The following APLP1 variants were observed in gnomAD, a reference collection of about 807,000 sequenced individuals.
APLP1 encodes amyloid beta precursor like protein 1.
In APLP1, 46 loss-of-function variants were observed where a neutral mutation model predicts 84.5. The ratio of observed to expected loss-of-function variants is 0.54; its 90% CI spans 0.43 to 0.70. The LOEUF is 0.70. APLP1 is among the 30% of genes least tolerant of loss of function. The pLI is 0.00. For synonymous variants in APLP1, 376 were observed against 364.0 expected (o/e 1.03, Z -0.38); for missense variants, 826 against 900.2 (o/e 0.92, Z 1.05).
intron 11 of APLP1, among the ~76,000 whole-genome samples, chr19:35,876,829 G>A (rs1974291597): frequency 6.6e-6 from 1 of 152,224 alleles, no homozygotes; most frequent in South Asian, 2.1e-4. Flanking sequence ...CAGTGGTCAA[G>A]CATGCAGCTG....
At position 35,874,450 on chromosome 19, in the gene APLP1, C is replaced by T. The variant is rs1186614597; in HGVS notation, c.1057-54C>T. 1.9e-6 allele frequency: 3 copies of T among 1,598,728 alleles called. No individual in the cohort carries two copies. The East Asian group carries it at 6.7e-5, about 36-fold the overall frequency. ...CCCTGCCTTTCCAGGCTCTCTTTGA[C>T]CAGGCTTTGACCCATCTTCTCCTCT... On this transcript the variant is annotated intron_variant, in intron 8 of 16. Coordinates refer to ENST00000221891, the MANE Select transcript of APLP1 (RefSeq NM_001024807.3). This position sits in a 1 kb window ranked among gnomAD's most constrained non-coding sequence, Gnocchi z 6.4.
In APLP1 at chr19:35,875,590, G is replaced by A. The variant is rs751994169; in HGVS notation, c.1344+721G>A. Among the ~76,000 whole-genome samples the A allele has an allele frequency of 9.2e-5, 14 of 152,062 alleles. 1 individual carries two copies. Among genetic ancestry groups the A allele is most frequent in the African/African-American group, 2.9e-4 (12 of 41,424 alleles). On this transcript the variant is annotated intron_variant, in intron 10 of 16. Coordinates refer to ENST00000221891, the MANE Select transcript of APLP1 (RefSeq NM_001024807.3). Reference sequence around the variant, plus strand: ...CCACCCTTGGCCTCCTAAAGTACTCGGATTACAGGTGTGAGCCACCACGCC... The same window carrying A: ...CCACCCTTGGCCTCCTAAAGTACTCAGATTACAGGTGTGAGCCACCACGCC...
rs1031812722 is a variant in APLP1, at chr19:35,870,011, G to A, written c.291+201G>A. On this transcript the variant is annotated intron_variant, in intron 2 of 16. Transcript: ENST00000221891. The stretch of plus-strand genomic sequence containing the variant: ...GGAGAGCCGCGAGATAGCCAGAGAG[G>A]AAGTGGAATTTAGGAATCTGGTGGT... 2.6e-5 allele frequency among the ~76,000 whole-genome samples: 4 copies of A among 152,156 alleles called. No individual in the cohort carries two copies. In the East Asian group the frequency reaches 7.7e-4, roughly 29 times the overall value.
At chr19:35,875,487 G>A (rs1204887076) in intron 10 of APLP1, among the ~76,000 whole-genome samples, 1 of 152,046 alleles carries the variant, frequency 6.6e-6, no homozygotes, top group African/African-American at 2.4e-5. Context: ...CACCACATCT[G>A]GCTGATTTTT....
rs200239842 is a variant in APLP1, at chr19:35,871,595, G to A, written c.538-17G>A. ...CCCATCCCACAATCCTGGCATCTGG[G>A]CCCACTCTTCCTACAGGCCTGCAGC... On this transcript the variant is annotated splice_polypyrimidine_tract_variant and intron_variant, in intron 4 of 16. Transcript: ENST00000221891. The A allele has an allele frequency of 1.0e-4, 161 of 1,613,300 alleles. No homozygotes were observed. The highest frequency in any genetic ancestry group is 6.6e-4 in the Middle Eastern group (4 of 6,052).
chr19:35,870,969 G>T lies in APLP1; in HGVS notation c.365G>T (p.Gly122Val), dbSNP rs1329940464. ...QAIPMERWCG[G>V]SRSGSCAHPH... ...ATCCCCATGGAGCGCTGGTGCGGGG[G>T]TTCCCGGAGCGGCAGCTGCGCCCAC... Residue 122 changes from glycine (G) to valine (V), a missense_variant, in exon 3 of 17, where the codon GGT (glycine) becomes GTT (valine). Gly to Val is a moderately radical substitution (Grantham distance 109). Coordinates refer to ENST00000221891, the MANE Select transcript of APLP1 (RefSeq NM_001024807.3). The T allele has an allele frequency of 1.9e-6, 3 of 1,581,186 alleles. No individual in the cohort carries two copies. The highest frequency in any genetic ancestry group is 1.2e-5 in the South Asian group (1 of 86,034).
intron 2 of APLP1, chr19:35,870,052 A>G (rs1974104425): frequency 3.4e-6 from 2 of 582,462 alleles, no homozygotes; most frequent in African/African-American, 1.9e-5. Context: ...TAAAGAGTAG[A>G]GGTGTAGGGG....
At chr19:35,869,853 GC>G (rs1323272900) in intron 2 of APLP1, 43 bp downstream of exon 2, 38 of 1,548,764 alleles carry the variant, frequency 2.5e-5, no homozygotes, top group Non-Finnish European at 3.2e-5. Flanking sequence ...CCCATAGAAA[GC>G]TAGACTTGAA....
Position 35,876,532 on chromosome 19 carries a change from C to G in APLP1, c.1360C>G (p.Gln454Glu). Residue 454 changes from glutamine (Q) to glutamate (E), a missense_variant, in exon 11 of 17, where the codon CAA (glutamine) becomes GAA (glutamate). By Grantham distance (29) the Gln-to-Glu change is conservative. This residue lies in a region of APLP1 where 433 missense variants were observed against 496.5 expected (regional missense o/e 0.87). Transcript: ENST00000221891. ...TCACCCACAGGTGCATACCCACCTTCAAGTGATTGAGGAGAGGGTGAATCA... is the reference window on the plus strand; with the variant it reads ...TCACCCACAGGTGCATACCCACCTTGAAGTGATTGAGGAGAGGGTGAATCA... ...QMRFQVHTHL[Q>E]VIEERVNQSL... 6.2e-7 allele frequency: 1 copy of G among 1,614,062 alleles called. No homozygotes were observed. The highest frequency in any genetic ancestry group is 8.5e-7 in the Non-Finnish European group (1 of 1,179,980).
rs1475807203 is a variant in APLP1, at chr19:35,868,808, G to A, written c.147+25G>A. On this transcript the variant is annotated intron_variant, in intron 1 of 16. Coordinates refer to ENST00000221891, the MANE Select transcript of APLP1 (RefSeq NM_001024807.3). This position sits in a 1 kb window ranked among gnomAD's most constrained non-coding sequence, Gnocchi z 5.2. ...GGTGAGGCCGGGCCGGGTCCTGGGG[G>A]ATGGGGGAAGGGGCGGGACCGGGTC... is the stretch of plus-strand genomic sequence containing the variant. The A allele has an allele frequency of 1.6e-6, 2 of 1,270,510 alleles. No homozygotes were observed. The highest frequency in any genetic ancestry group is 4.3e-5 in the Admixed American group (1 of 23,494). 78.7% of individuals were successfully genotyped at this position (1,270,510 alleles called of 1,614,324 possible). A position where few individuals can be genotyped will look rare whatever the true frequency, so the allele number is the denominator to read the frequency against.
rs771412996 is a variant in APLP1 at position 35,871,874 on chromosome 19, T to C, written c.688T>C (p.Ser230Pro). Residue 230 changes from serine to proline, a missense_variant, in exon 6 of 17, where the codon TCC becomes CCC. Physicochemically the swap from Ser to Pro is moderately conservative, Grantham distance 74. Coordinates refer to ENST00000221891, the MANE Select transcript of APLP1 (RefSeq NM_001024807.3). ...CTCCCTCAGTGACCCCTCCACCCGG[T>C]CCTGGCCCCCGGGGAGCAGAGTAGA... ...GTAVGDPSTR[S>P]WPPGSRVEGA... The C allele has an allele frequency of 3.1e-6, 5 of 1,613,742 alleles. No individual in the cohort carries two copies. The African/African-American group carries it at 6.7e-5, about 22-fold the overall frequency.
In APLP1 at chr19:35,879,739, T is replaced by G. The variant is rs577202471; in HGVS notation, c.*298T>G. 80 of 373,120 alleles carry G rather than the reference T, an allele frequency of 2.1e-4. 2 individuals carry two copies. Among genetic ancestry groups the G allele is most frequent in the South Asian group, 1.0e-3 (21 of 20,944 alleles). The allele number at this position is 373,120 out of a possible 1,614,324, so 23.1% of individuals were successfully genotyped here. ...TGGTCCTAGTGTCTATTCCCTGGAATTCACCCTCTCATGTTTCCCTACTAA... is the reference window on the plus strand; with the variant it reads ...TGGTCCTAGTGTCTATTCCCTGGAAGTCACCCTCTCATGTTTCCCTACTAA... On this transcript the variant is annotated 3_prime_UTR_variant, in exon 17 of 17. Transcript: ENST00000221891.
Position 35,871,636 on chromosome 19 carries a change from C to G in APLP1, c.562C>G (p.Leu188Val), listed in dbSNP as rs769833020. The change falls in exon 5 of 17, where the codon CTG (leucine) becomes GTG (valine). Residue 188 changes from leucine to valine, a missense_variant. Physicochemically the swap from Leu to Val is conservative, Grantham distance 32. Around this residue, in one of 3 missense-constraint regions of APLP1, gnomAD observed 383 missense variants for 378.3 expected, o/e 1.01. Transcript: ENST00000221891. ...QEACSSQGLI[L>V]HGSGMLLPCG... Reference sequence around the variant, plus strand: ...GGCCTGCAGCTCCCAGGGCCTCATCCTGCACGGCTCGGGCATGCTCTTACC... The same window carrying G: ...GGCCTGCAGCTCCCAGGGCCTCATCGTGCACGGCTCGGGCATGCTCTTACC... 28 of 1,614,008 alleles carry G rather than the reference C, an allele frequency of 1.7e-5. No individual in the cohort carries two copies. Among genetic ancestry groups the G allele is most frequent in the Non-Finnish European group, 2.2e-5 (26 of 1,180,026 alleles).
rs753303621 is a variant in APLP1, at chr19:35,874,666, C to T, written c.1215+4C>T. 42 of 1,613,238 alleles carry T rather than the reference C, an allele frequency of 2.6e-5. No individual in the cohort carries two copies. Among genetic ancestry groups the T allele is most frequent in the Non-Finnish European group, 3.4e-5 (40 of 1,179,848 alleles). ...CCTGCAGGCAGATCCGCCTCAGGTGCGGGGACCGTGGGGGCAGAGAGCAGA... is the reference window on the plus strand; with the variant it reads ...CCTGCAGGCAGATCCGCCTCAGGTGTGGGGACCGTGGGGGCAGAGAGCAGA... On this transcript the variant is annotated splice_donor_region_variant and intron_variant, in intron 9 of 16. Coordinates refer to ENST00000221891, the MANE Select transcript of APLP1 (RefSeq NM_001024807.3). This position sits in a 1 kb window ranked among gnomAD's most constrained non-coding sequence, Gnocchi z 6.4.
At chr19:35,869,278 T>G in intron 1 of APLP1, 4 of 499,584 alleles carry the variant, frequency 8.0e-6, no homozygotes, top group Non-Finnish European at 1.0e-5. Context: ...AGCCAGGCCT[T>G]GTCAGCTTTG....
intron 16 of APLP1, 25 bp from the exon 17 acceptor site, chr19:35,879,317 TC>T (rs1406409605): frequency 6.2e-7 from 1 of 1,613,132 alleles, no homozygotes; most frequent in East Asian, 2.2e-5. Flanking sequence ...CACCACACTG[TC>T]CTTTCCCTCC....
At chr19:35,873,824 A>C in intron 8 of APLP1, 111 bp downstream of exon 8, 1 of 996,566 alleles carries the variant, frequency 1.0e-6, no homozygotes. Flanking sequence ...CTTCCCACCT[A>C]TCTCAGCCTT....
chr19:35,869,881 G>C, intron 2 of APLP1, 71 bp downstream of exon 2: 1 of 1,525,270 alleles, frequency 6.6e-7, no homozygotes, highest in Non-Finnish European at 8.8e-7. Flanking sequence ...GTGGTCCAGG[G>C]TGCTGCGCGA....
rs757576291 is a variant in APLP1 at position 35,874,685 on chromosome 19, G to A, written c.1215+23G>A. On this transcript the variant is annotated intron_variant, in intron 9 of 16. Coordinates refer to ENST00000221891, the MANE Select transcript of APLP1 (RefSeq NM_001024807.3). The surrounding 1 kb of genome is among the most constrained non-coding windows in gnomAD (Gnocchi z 6.4). ...CAGGTGCGGGGACCGTGGGGGCAGA[G>A]AGCAGAGGGTGAGAAGGGTCAGGGC... 4 of 1,613,202 alleles carry A rather than the reference G, an allele frequency of 2.5e-6. No individual in the cohort carries two copies. The highest frequency in any genetic ancestry group is 3.4e-6 in the Non-Finnish European group (4 of 1,179,550).
Sources: allele counts gnomAD v4.1 joint callset (sites outside exome capture counted in the v4.1 genomes callset), GRCh38; gene constraint gnomAD v4.1.1; regional missense constraint gnomAD v4.1.1; non-coding constraint Gnocchi (gnomAD v3.1); transcripts MANE v1.5; gene names NCBI Gene and HGNC (gene_info 2026-07-23, HGNC 2026-07-21).